UROS: variants seen among roughly 807,000 people sequenced by gnomAD.
The protein encoded by UROS is uroporphyrinogen-III synthase.
UROS carries 18 observed loss-of-function variants against 33.0 expected under a neutral mutation model. The observed-to-expected ratio is 0.55, with a 90% CI of 0.38 to 0.81. The LOEUF (loss-of-function observed/expected upper bound fraction) is 0.81. Among genes scored for constraint, UROS ranks in the 30% least tolerant of loss-of-function variants. The pLI is 0.00. For synonymous variants in UROS, 114 were observed against 121.1 expected (o/e 0.94, Z 0.38); for missense variants, 293 against 314.9 (o/e 0.93, Z 0.53).
intron 5 of UROS, among the ~76,000 whole-genome samples, chr10:125,810,169 CCT>C (rs1283512712): frequency 8.5e-5 from 13 of 152,268 alleles, no homozygotes; most frequent in African/African-American, 1.2e-4. Flanking sequence ...GATCCATGCC[CCT>C]GTGTCATCCC....
rs1037728214 is a variant in UROS, at chr10:125,788,653, G to A, written c.*215C>T. On this transcript the variant is annotated 3_prime_UTR_variant, in exon 10 of 10. Transcript: ENST00000368797. The stretch of plus-strand genomic sequence containing the variant: ...GCACAGGAAGCTCTCACAGGGCTAG[G>A]GTTTAAGCTGGCTTCCACAGAGGGC... 5 of 1,425,856 alleles carry A rather than the reference G, an allele frequency of 3.5e-6. No homozygotes were observed. The highest frequency in any genetic ancestry group is 4.6e-6 in the Non-Finnish European group (5 of 1,094,054). 88.3% of individuals were successfully genotyped at this position (1,425,856 alleles called of 1,614,324 possible).
At chr10:125,796,248 C>T (rs1851352911) in intron 7 of UROS, 60 bp from the exon 8 acceptor site, 3 of 1,522,592 alleles carry the variant, frequency 2.0e-6, no homozygotes, top group South Asian at 1.1e-5. Context: ...GGGGCCTCCA[C>T]CACTTCACAG....
chr10:125,813,009 T>C (rs992687447), intron 4 of UROS, among the ~76,000 whole-genome samples: 1 of 152,230 alleles, frequency 6.6e-6, no homozygotes, highest in Non-Finnish European at 1.5e-5. Context: ...TTCAAGAGCA[T>C]TCCTCTACCC....
intron 1 of UROS, among the ~76,000 whole-genome samples, chr10:125,818,788 T>A (rs938995612): frequency 6.6e-6 from 1 of 152,178 alleles, no homozygotes; most frequent in Non-Finnish European, 1.5e-5. Context: ...GTTGGCTTTT[T>A]TGATGGACTT....
intron 9 of UROS, among the ~76,000 whole-genome samples, chr10:125,790,777 C>T (rs1303249802): frequency 2.6e-5 from 3 of 116,832 alleles, no homozygotes; most frequent in Non-Finnish European, 3.6e-5. Context: ...GAGCAAAACT[C>T]CATCTCAAAA....
intron 9 of UROS, chr10:125,792,157 A>T (rs1836598240): frequency 6.6e-6 from 1 of 152,190 alleles, no homozygotes; most frequent in Non-Finnish European, 1.5e-5. Context: ...CAATAAAGCT[A>T]TTTAAAAATT....
At chr10:125,801,384 A>G (rs117114217) in intron 6 of UROS, among the ~76,000 whole-genome samples, 1 of 152,276 alleles carries the variant, frequency 6.6e-6, no homozygotes, top group East Asian at 1.9e-4. Context: ...CTATCAGAAC[A>G]ATGAGTTATC....
At position 125,812,625 on chromosome 10, in the gene UROS, C is replaced by T. The variant is rs572250070; in HGVS notation, c.245-337G>A. Among the ~76,000 whole-genome samples, 7 of 152,120 alleles carry T rather than the reference C, an allele frequency of 4.6e-5. No individual in the cohort carries two copies. In the South Asian group the frequency reaches 1.5e-3, roughly 32 times the overall value. On this transcript the variant is annotated intron_variant, in intron 4 of 9. Coordinates refer to ENST00000368797, the MANE Select transcript of UROS (RefSeq NM_000375.3). ...GTGAAATCAAAAATTTAAATCTAGA[C>T]TTTTAAAGAAAAAGACACTGGTCAT...
intron 6 of UROS, chr10:125,807,009 C>T: frequency 4.4e-6 from 1 of 227,538 alleles, no homozygotes; most frequent in Non-Finnish European, 8.8e-6. Context: ...AGTTCTTTAC[C>T]TGGGAGCAAG....
Position 125,794,980 on chromosome 10 carries a change from T to C in UROS, c.562-2A>G, listed in dbSNP as rs150039654. 4.3e-6 allele frequency: 7 copies of C among 1,612,942 alleles called. No individual in the cohort carries two copies. In the African/African-American group the frequency reaches 5.3e-5, roughly 12 times the overall value. On this transcript the variant is annotated splice_acceptor_variant, in intron 8 of 9. Transcript: ENST00000368797. LOFTEE classifies it high-confidence loss of function. The stretch of plus-strand genomic sequence containing the variant: ...AAATGTGATGCTGGCTGGAACCCCC[T>C]GTGGGGAACAGAAAACAAGATCAGT...
chr10:125,787,902 G>A (rs950730366), downstream of UROS, among the ~76,000 whole-genome samples: 6 of 152,116 alleles, frequency 3.9e-5, no homozygotes, highest in Admixed American at 2.6e-4. Flanking sequence ...GCTTATGCTC[G>A]TCCATGCCTT....
chr10:125,815,254 A>C, intron 3 of UROS, 124 bp from the exon 4 acceptor site: 1 of 1,057,674 alleles, frequency 9.5e-7, no homozygotes, highest in Non-Finnish European at 1.4e-6. Context: ...CCTTCCACCC[A>C]TCCCCCCAAC....
chr10:125,801,205 G>C (rs1851816886), intron 6 of UROS, among the ~76,000 whole-genome samples: 1 of 152,294 alleles, frequency 6.6e-6, no homozygotes, highest in Middle Eastern at 3.4e-3. Context: ...AGTGTGCCAG[G>C]CTGCAGAGAT....
chr10:125,802,224 A>G, intron 6 of UROS: 2 of 985,536 alleles, frequency 2.0e-6, no homozygotes, highest in Non-Finnish European at 1.2e-6. Flanking sequence ...AACCCTCCAC[A>G]CTGATGTGTG....
chr10:125,798,425 G>C (rs1488705207), intron 6 of UROS, among the ~76,000 whole-genome samples: 1 of 152,226 alleles, frequency 6.6e-6, no homozygotes, highest in East Asian at 1.9e-4. Flanking sequence ...AACTCCTTCT[G>C]ATCCTGAAGT....
intron 6 of UROS, among the ~76,000 whole-genome samples, chr10:125,805,280 A>C (rs1408725520): frequency 1.3e-5 from 2 of 152,190 alleles, no homozygotes; most frequent in African/African-American, 4.8e-5. Flanking sequence ...TTACGTCTTC[A>C]TCCCTGCAGG....
At chr10:125,810,372 C>T (rs567537329) in intron 5 of UROS, among the ~76,000 whole-genome samples, 112 of 152,274 alleles carry the variant, frequency 7.4e-4, no homozygotes, top group African/African-American at 2.5e-3. Context: ...TCTCGGGAGG[C>T]CCATGTGAGT....
At chr10:125,803,950 T>C (rs1351943160) in intron 6 of UROS, among the ~76,000 whole-genome samples, 1 of 152,244 alleles carries the variant, frequency 6.6e-6, no homozygotes, top group Non-Finnish European at 1.5e-5. Flanking sequence ...CTGCCTTCTT[T>C]TGGACACCCT....
In UROS at chr10:125,788,694, G is replaced by C; in HGVS notation, c.*174C>G. 7.0e-7 allele frequency: 1 copy of C among 1,432,552 alleles called. No homozygotes were observed. The highest frequency in any genetic ancestry group is 9.1e-7 in the Non-Finnish European group (1 of 1,097,502). The allele number at this position is 1,432,552 out of a possible 1,614,324, so 88.7% of individuals were successfully genotyped here. A position where few individuals can be genotyped will look rare whatever the true frequency, so the allele number is the denominator to read the frequency against. On this transcript the variant is annotated 3_prime_UTR_variant, in exon 10 of 10. Coordinates refer to ENST00000368797, the MANE Select transcript of UROS (RefSeq NM_000375.3). ...CACAGAGGGCAGTCACGTGCACGTG[G>C]GCCTGAGGCCAGCCCCAGGTCAGGT...
Sources: allele counts gnomAD v4.1 joint callset (sites outside exome capture counted in the v4.1 genomes callset), GRCh38; gene constraint gnomAD v4.1.1; transcripts MANE v1.5; gene names NCBI Gene and HGNC (gene_info 2026-07-23, HGNC 2026-07-21).